The following PCDHA1 variants were observed in gnomAD, a reference collection of about 807,000 sequenced individuals.
The protein encoded by PCDHA1 is protocadherin alpha 1, also known as protocadherin alpha-1.
PCDHA1 carries 42 observed loss-of-function variants against 61.3 expected under a neutral mutation model. That is an observed-to-expected ratio of 0.69 (90% CI 0.54 to 0.89). PCDHA1 has a LOEUF of 0.89. Ranked by LOEUF, PCDHA1 falls within the 40% of genes least tolerant of loss-of-function variation. The pLI is 0.00. For synonymous variants in PCDHA1, 610 were observed against 553.8 expected, an observed-to-expected ratio of 1.10 and a Z score of -1.43; for missense variants, 1,256 against 1,235.3, an observed-to-expected ratio of 1.02 and a Z score of -0.25.
At chr5:140,859,880 T>C (rs922706728) in intron 1 of PCDHA1, 1 of 152,036 alleles carries the variant, frequency 6.6e-6, no homozygotes, top group Non-Finnish European at 1.5e-5. Context: ...CCCTCTGATA[T>C]TTTGAAAAAA....
chr5:140,956,878 A>G (rs890203275), intron 1 of PCDHA1, among the ~76,000 whole-genome samples: 4 of 152,188 alleles, frequency 2.6e-5, no homozygotes, highest in Admixed American at 2.6e-4. Context: ...GAAAAGTTAG[A>G]TATCAATGAA....
At chr5:140,809,045 A>G in intron 1 of PCDHA1, 1 of 1,613,870 alleles carries the variant, frequency 6.2e-7, no homozygotes, top group Non-Finnish European at 8.5e-7. Context: ...TGGCGCGCGC[A>G]TCCCGTTCCG....
chr5:140,823,958 A>T, intron 1 of PCDHA1: 1 of 1,614,016 alleles, frequency 6.2e-7, no homozygotes, highest in Non-Finnish European at 8.5e-7. Context: ...CAGCCCACCG[A>T]GGCCGTGTGC....
chr5:140,890,238 C>T (rs2062554718), intron 1 of PCDHA1, among the ~76,000 whole-genome samples: 1 of 152,034 alleles, frequency 6.6e-6, no homozygotes, highest in African/African-American at 2.4e-5. Flanking sequence ...TAAGCATTTA[C>T]CAGTACACTA....
At chr5:140,847,743 C>T (rs2150239198) in intron 1 of PCDHA1, 1 of 149,792 alleles carries the variant, frequency 6.7e-6, no homozygotes, top group East Asian at 1.9e-4. Flanking sequence ...TATTTTCTCC[C>T]CACGCAACAC....
chr5:140,883,391 T>C (rs1301270294), intron 1 of PCDHA1: 8 of 1,614,052 alleles, frequency 5.0e-6, no homozygotes, highest in Non-Finnish European at 6.8e-6. Flanking sequence ...AATCAGTGTG[T>C]CCGATCGTGA....
chr5:140,968,371 C>T (rs1554230646), intron 1 of PCDHA1: 3 of 1,614,088 alleles, frequency 1.9e-6, no homozygotes, highest in Non-Finnish European at 2.5e-6. Context: ...ATGCTGTCAA[C>T]TCCTTTGACT....
At chr5:140,955,096 T>G (rs1366148224) in intron 1 of PCDHA1, among the ~76,000 whole-genome samples, 1 of 152,178 alleles carries the variant, frequency 6.6e-6, no homozygotes, top group Non-Finnish European at 1.5e-5. Flanking sequence ...GTGTGTGGTG[T>G]TATTTCTGAG....
chr5:140,857,402 C>T (rs2044569708), intron 1 of PCDHA1: 3 of 1,598,498 alleles, frequency 1.9e-6, no homozygotes, highest in Non-Finnish European at 2.6e-6. Flanking sequence ...CGACAACGCG[C>T]CTGCGTTCGC....
intron 1 of PCDHA1, chr5:140,863,783 G>A: frequency 4.4e-6 from 1 of 226,522 alleles, no homozygotes; most frequent in South Asian, 6.5e-5. Flanking sequence ...CGGATCACTC[G>A]AGGCCAGGAG....
rs782575431 is a variant in PCDHA1 at position 140,786,824 on chromosome 5, C to A, written c.534C>A (p.Phe178Leu). 1 of 1,614,196 alleles carries A rather than the reference C, an allele frequency of 6.2e-7. No individual in the cohort carries two copies. The highest frequency in any genetic ancestry group is 8.5e-7 in the Non-Finnish European group (1 of 1,180,038). ...ACACGCTCAGCCCGAGTGATTATTT[C>A]TCTTTGGATGTAGAGGCAAGTGATG... Reference protein sequence around the residue: ...LTYTLSPSDYFSLDVEASDEL... With the variant: ...LTYTLSPSDYLSLDVEASDEL... Residue 178 changes from phenylalanine (F) to leucine (L), a missense_variant, in exon 1 of 4, where the codon TTC (phenylalanine) becomes TTA (leucine). By Grantham distance (22) the Phe-to-Leu change is conservative. Transcript: ENST00000504120.
chr5:140,918,633 A>G (rs2078785997), intron 1 of PCDHA1, among the ~76,000 whole-genome samples: 1 of 152,242 alleles, frequency 6.6e-6, no homozygotes, highest in Non-Finnish European at 1.5e-5. Flanking sequence ...CCCCAAATTC[A>G]TAAATTGAAA....
At chr5:140,841,784 G>C in intron 1 of PCDHA1, 4 of 1,613,930 alleles carry the variant, frequency 2.5e-6, no homozygotes, top group African/African-American at 1.3e-5. Flanking sequence ...GTTTCCGCTA[G>C]AGGGCGCGTC....
intron 1 of PCDHA1, among the ~76,000 whole-genome samples, chr5:140,932,053 C>T (rs1358715698): frequency 6.6e-6 from 1 of 151,780 alleles, no homozygotes; most frequent in Non-Finnish European, 1.5e-5. Flanking sequence ...GCCTGTAATA[C>T]TAAAAATTAT....
rs2150103831 is a variant in PCDHA1, at chr5:140,819,325, A to G, written c.2394+30641A>G. Among the ~76,000 whole-genome samples, 393 of 152,298 alleles carry G rather than the reference A, an allele frequency of 2.6e-3. 1 individual carries two copies. Among genetic ancestry groups the G allele is most frequent in the African/African-American group, 8.9e-3 (371 of 41,578 alleles). ...AATTTTATTCTGGGTTTTGTAAGGA[A>G]TAAAGGACATTTGTACCCTTATGAA... On this transcript the variant is annotated intron_variant, in intron 1 of 3. Coordinates refer to ENST00000504120, the MANE Select transcript of PCDHA1 (RefSeq NM_018900.4).
At chr5:140,867,702 A>G (rs560641093) in intron 1 of PCDHA1, 1 of 152,136 alleles carries the variant, frequency 6.6e-6, no homozygotes, top group Admixed American at 6.5e-5. Flanking sequence ...TTCCTCCTAA[A>G]TCCTAAGGGT....
chr5:140,899,962 C>G (rs1562916347), intron 1 of PCDHA1, among the ~76,000 whole-genome samples: 1 of 152,064 alleles, frequency 6.6e-6, no homozygotes, highest in African/African-American at 2.4e-5. Flanking sequence ...CATGTGCTGC[C>G]ATGCCCAGCT....
In PCDHA1 at chr5:140,856,671, AGTT is replaced by A. The variant is rs781932565; in HGVS notation, c.2394+67995_2394+67997del. 8 of 1,597,880 alleles carry A rather than the reference AGTT, an allele frequency of 5.0e-6. 1 individual carries two copies. The highest frequency in any genetic ancestry group is 4.5e-5 in the East Asian group (2 of 44,874). The stretch of plus-strand genomic sequence containing the variant: ...GATCGTGAAGAAAATCCTCAGCTAA[AGTT>A]GTTGTTGACAGCAACTGATGGAGGC... On this transcript the variant is annotated intron_variant, in intron 1 of 3. Transcript: ENST00000504120.
intron 1 of PCDHA1, among the ~76,000 whole-genome samples, chr5:140,873,677 T>A (rs1358245351): frequency 6.6e-6 from 1 of 152,212 alleles, no homozygotes; most frequent in African/African-American, 2.4e-5. Flanking sequence ...TTGTTTCTTT[T>A]TGAGATAGAG....
Sources: allele counts gnomAD v4.1 joint callset (sites outside exome capture counted in the v4.1 genomes callset), GRCh38; gene constraint gnomAD v4.1.1; transcripts MANE v1.5; gene names NCBI Gene and HGNC (gene_info 2026-07-23, HGNC 2026-07-21).